Variants in DIP2C observed in about 807,000 individuals in gnomAD.
DIP2C encodes disco-interacting protein 2 homolog C.
Under a neutral mutation model 192.4 loss-of-function variants are expected in DIP2C, and 33 were observed. The ratio of observed to expected loss-of-function variants is 0.17; its 90% CI spans 0.13 to 0.23. The LOEUF (loss-of-function observed/expected upper bound fraction) is 0.23. DIP2C is among the 10% of genes least tolerant of loss of function. DIP2C has a pLI of 1.00. For missense variants in DIP2C, 1,537 were observed against 2,110.1 expected, an observed-to-expected ratio of 0.73 and a Z score of 5.32; for synonymous variants, 979 against 864.1, an observed-to-expected ratio of 1.13 and a Z score of -2.33.
intron 1 of DIP2C, among the ~76,000 whole-genome samples, chr10:550,006 CTTTT>C (rs11461177): frequency 2.2e-5 from 3 of 134,774 alleles, no homozygotes; most frequent in East Asian, 2.2e-4. Flanking sequence ...GGACGTGTAG[CTTTT>C]TTTTTTTTTT....
intron 1 of DIP2C, among the ~76,000 whole-genome samples, chr10:657,203 C>T (rs1290859821): frequency 5.9e-5 from 8 of 135,706 alleles, no homozygotes; most frequent in Non-Finnish European, 9.5e-5. Context: ...CTGGACCTGC[C>T]GCTGGACTTG....
intron 26 of DIP2C, among the ~76,000 whole-genome samples, chr10:347,434 G>A (rs1362129244): frequency 2.4e-5 from 3 of 127,234 alleles, no homozygotes; most frequent in South Asian, 2.6e-4. Flanking sequence ...TCCCGGAAAC[G>A]TCACACGCAC....
chr10:329,721 G>A, intron 29 of DIP2C, 120 bp from the exon 30 acceptor site: 1 of 1,281,106 alleles, frequency 7.8e-7, no homozygotes, highest in Non-Finnish European at 1.1e-6. Flanking sequence ...AGCCCGTGCT[G>A]CCATCTGTAG....
In DIP2C at chr10:286,257, A is replaced by C; in HGVS notation, c.4119+16T>G. ...AACAGAAAAGTAACCTGGATCTCGGAGGACACTCAACTCACCTCTCCAAGG... is the reference window on the plus strand; with the variant it reads ...AACAGAAAAGTAACCTGGATCTCGGCGGACACTCAACTCACCTCTCCAAGG... On this transcript the variant is annotated intron_variant, in intron 34 of 36. Coordinates refer to ENST00000280886, the MANE Select transcript of DIP2C (RefSeq NM_014974.3). The C allele has an allele frequency of 6.2e-7, 1 of 1,613,516 alleles. No individual in the cohort carries two copies. Among genetic ancestry groups the C allele is most frequent in the Admixed American group, 1.7e-5 (1 of 59,994 alleles).
intron 31 of DIP2C, among the ~76,000 whole-genome samples, chr10:323,615 G>A (rs1957126790): frequency 6.6e-6 from 1 of 152,142 alleles, no homozygotes; most frequent in Non-Finnish European, 1.5e-5. Flanking sequence ...AATTTTTTGT[G>A]TTTTTGATTT....
chr10:543,015 T>G (rs1043246649), intron 1 of DIP2C, among the ~76,000 whole-genome samples: 1 of 152,192 alleles, frequency 6.6e-6, no homozygotes, highest in African/African-American at 2.4e-5. Flanking sequence ...AAACATTGAG[T>G]GATGACGATG....
intron 10 of DIP2C, among the ~76,000 whole-genome samples, chr10:397,747 T>C (rs572059551): frequency 1.2e-3 from 190 of 152,276 alleles, no homozygotes; most frequent in Non-Finnish European, 2.0e-3. Context: ...GAACAAACCA[T>C]CCACATGGAC....
At chr10:613,280 G>C (rs1241695046) in intron 1 of DIP2C, among the ~76,000 whole-genome samples, 3 of 152,238 alleles carry the variant, frequency 2.0e-5, no homozygotes, top group Non-Finnish European at 4.4e-5. Context: ...TCCCTTACAG[G>C]TCCTCGGCCT....
intron 1 of DIP2C, among the ~76,000 whole-genome samples, chr10:568,794 A>AAAAAAAAAAT: frequency 9.2e-6 from 1 of 108,376 alleles, no homozygotes; most frequent in Non-Finnish European, 1.9e-5. Context: ...AAAAAAAAAA[A>AAAAAAAAAAT]AAAACCTTCA....
chr10:540,834 T>C (rs949445714), intron 1 of DIP2C, among the ~76,000 whole-genome samples: 1 of 152,240 alleles, frequency 6.6e-6, no homozygotes, highest in Admixed American at 6.5e-5. Flanking sequence ...TACCCTGTCA[T>C]CTCTGAAACA....
chr10:530,428 AG>A (rs1416902991), intron 1 of DIP2C, among the ~76,000 whole-genome samples: 1 of 152,104 alleles, frequency 6.6e-6, no homozygotes, highest in Non-Finnish European at 1.5e-5. Context: ...GAAAAATAAA[AG>A]GGGGGCCAAG....
At chr10:466,013 T>G (rs1205947918) in intron 3 of DIP2C, among the ~76,000 whole-genome samples, 1 of 152,006 alleles carries the variant, frequency 6.6e-6, no homozygotes, top group Non-Finnish European at 1.5e-5. Context: ...ACCAATGACT[T>G]TCTTCACAGA....
intron 1 of DIP2C, among the ~76,000 whole-genome samples, chr10:627,944 T>G (rs917662210): frequency 2.6e-5 from 4 of 152,260 alleles, no homozygotes; most frequent in Non-Finnish European, 5.9e-5. Context: ...TGTGTCTGCA[T>G]CTGTAACGAC....
chr10:384,438 A>T, intron 15 of DIP2C, 108 bp downstream of exon 15: 2 of 1,139,914 alleles, frequency 1.8e-6, no homozygotes, highest in Non-Finnish European at 2.6e-6. Context: ...GGGTTTCTCC[A>T]TATTGGCCCG....
At chr10:354,862 G>A (rs1027424752) in intron 24 of DIP2C, among the ~76,000 whole-genome samples, 10 of 152,012 alleles carry the variant, frequency 6.6e-5, no homozygotes, top group Middle Eastern at 3.4e-3. Flanking sequence ...AAAGAGGAAC[G>A]AGAAGTCACA....
At chr10:423,152 T>C in intron 4 of DIP2C, 119 bp from the exon 5 acceptor site, 2 of 960,090 alleles carry the variant, frequency 2.1e-6, no homozygotes, top group East Asian at 2.5e-5. Context: ...CAATGACTTT[T>C]TGATACACTC....
chr10:647,196 G>C (rs1047107728), intron 1 of DIP2C, among the ~76,000 whole-genome samples: 16 of 151,760 alleles, frequency 1.1e-4, no homozygotes, highest in African/African-American at 2.7e-4. Flanking sequence ...AGAACAGAGG[G>C]AAACTGAGTC....
At chr10:592,089 G>A (rs1564241506) in intron 1 of DIP2C, among the ~76,000 whole-genome samples, 2 of 152,124 alleles carry the variant, frequency 1.3e-5, no homozygotes, top group African/African-American at 2.4e-5. Flanking sequence ...TCAACAAGAG[G>A]TTTTTTTCTG....
At chr10:602,427 A>G (rs1324243255) in intron 1 of DIP2C, among the ~76,000 whole-genome samples, 4 of 152,276 alleles carry the variant, frequency 2.6e-5, no homozygotes, top group Non-Finnish European at 4.4e-5. Context: ...CCTCACGCAC[A>G]CTGAAGCAAT....
Sources: gnomAD v4.1 joint callset for allele counts (sites outside exome capture counted in the v4.1 genomes callset) on GRCh38, gnomAD v4.1.1 for gene constraint, MANE v1.5 for transcripts, NCBI Gene and HGNC (gene_info 2026-07-23, HGNC 2026-07-21) for gene names.